NOC2L: variants seen among roughly 807,000 people sequenced by gnomAD.
The protein encoded by NOC2L is nucleolar complex protein 2 homolog.
NOC2L carries 101 observed loss-of-function variants against 94.2 expected under a neutral mutation model. That is an observed-to-expected ratio of 1.07 (90% CI 0.91 to 1.26). NOC2L has a LOEUF of 1.26. Ranked by LOEUF, NOC2L falls within the 50% of genes most tolerant of loss-of-function variation. The pLI is 0.00. For synonymous variants in NOC2L, 531 were observed against 413.4 expected, an observed-to-expected ratio of 1.28 and a Z score of -3.45; for missense variants, 1,076 against 980.1, an observed-to-expected ratio of 1.10 and a Z score of -1.31.
At position 956,556 on chromosome 1, in the gene NOC2L, C is replaced by T. The variant is rs989591881; in HGVS notation, c.486+338G>A. ...GAAGGACCCCAGCTCCACCAACCAA[C>T]AAAGGCACAGTCCGTCCCACCCACA... On this transcript the variant is annotated intron_variant, in intron 4 of 18. Transcript: ENST00000327044. Among the ~76,000 whole-genome samples the T allele has an allele frequency of 1.3e-4, 20 of 152,136 alleles. 1 individual carries two copies. Among genetic ancestry groups the T allele is most frequent in the Admixed American group, 1.3e-3 (20 of 15,272 alleles).
intron 14 of NOC2L, 35 bp from the exon 15 acceptor site, chr1:946,580 G>A: frequency 6.2e-7 from 1 of 1,600,906 alleles, no homozygotes; most frequent in Non-Finnish European, 8.5e-7. Context: ...TGAAGCCCAG[G>A]ACCGCTCCAT....
At chr1:946,347 G>A (rs997371638) in intron 15 of NOC2L, 55 bp downstream of exon 15, 3 of 1,612,044 alleles carry the variant, frequency 1.9e-6, no homozygotes, top group African/African-American at 2.7e-5. Context: ...ACATGTAGCT[G>A]GGGCTATACC....
chr1:950,133 TGCACACAGGTGCACACACGCACAG>T (rs1230380772), intron 12 of NOC2L, among the ~76,000 whole-genome samples: 1 of 152,056 alleles, frequency 6.6e-6, no homozygotes, highest in Non-Finnish European at 1.5e-5. Context: ...CGCACGTACA[TGCACACAGGTGCACACACGCACAG>T]GCACACACAA....
At chr1:952,824 G>C (rs1357539932) in intron 9 of NOC2L, among the ~76,000 whole-genome samples, 1 of 152,198 alleles carries the variant, frequency 6.6e-6, no homozygotes, top group African/African-American at 2.4e-5. Flanking sequence ...TGGGGGCTGA[G>C]GGTCCCCACA....
In NOC2L at chr1:945,590, T is replaced by C; in HGVS notation, c.1981A>G (p.Arg661Gly). 6 of 1,614,176 alleles carry C rather than the reference T, an allele frequency of 3.7e-6. 1 individual carries two copies. The South Asian group carries it at 4.4e-5, about 12-fold the overall frequency. Residue 661 changes from arginine to glycine, a missense_variant, in exon 17 of 19, where the codon AGG becomes GGG. This residue lies in a region of NOC2L where 615 missense variants were observed against 577.4 expected (regional missense o/e 1.07). Transcript: ENST00000327044. ...TCAAAGAGGTCTTTAAATTGCTTCC[T>C]GTCCTCATCCTTCCTGTCAGCCATC... ...RKMADRKDED[R>G]KQFKDLFDLN... is the part of the protein sequence containing the mutation.
chr1:955,340 A>G (rs1346465266), intron 6 of NOC2L, among the ~76,000 whole-genome samples: 1 of 151,978 alleles, frequency 6.6e-6, no homozygotes, highest in Non-Finnish European at 1.5e-5. Context: ...GGCAGTTCCA[A>G]CTCTAGGCCT....
In NOC2L at chr1:944,792, G is replaced by T; in HGVS notation, c.2152C>A (p.Pro718Thr). ...EDSSNSEDGD[P>T]DAEAGLAPGE... ...GGGGCCAGCCCCGCCTCTGCGTCTG[G>T]GTCTCCATCTGCGGGGAGAGATGGA... is the stretch of plus-strand genomic sequence containing the variant. The change falls in exon 19 of 19, where the codon CCA becomes ACA. Residue 718 changes from proline to threonine, a missense_variant. By Grantham distance (38) the Pro-to-Thr change is conservative (BLOSUM62 -1). This residue lies in a region of NOC2L where 615 missense variants were observed against 577.4 expected (regional missense o/e 1.07). Transcript: ENST00000327044. 1 of 1,586,020 alleles carries T rather than the reference G, an allele frequency of 6.3e-7. No homozygotes were observed.
Position 955,977 on chromosome 1 carries a change from A to C in NOC2L, c.644T>G (p.Leu215Arg). The C allele has an allele frequency of 6.2e-7, 1 of 1,613,564 alleles. No individual in the cohort carries two copies. The highest frequency in any genetic ancestry group is 1.3e-5 in the African/African-American group (1 of 74,894). Residue 215 changes from leucine (L) to arginine (R), a missense_variant, in exon 6 of 19, where the codon CTC (leucine) becomes CGC (arginine). Physicochemically the swap from Leu to Arg is moderately radical, Grantham distance 102. Coordinates refer to ENST00000327044, the MANE Select transcript of NOC2L (RefSeq NM_015658.4). ...CAGCAGCTTCTGGAGACAGCCAATG[A>C]GGTCTCTGATGCAGAAGGTAACCAG... ...NALVTFCIRDLIGCLQKLLFG... is the reference protein window; with the variant it reads ...NALVTFCIRDRIGCLQKLLFG...
At chr1:953,361 TC>T in intron 8 of NOC2L, 73 bp from the exon 9 acceptor site, 2 of 898,258 alleles carry the variant, frequency 2.2e-6, no homozygotes, top group Non-Finnish European at 3.6e-6. Context: ...AGCACAGCCC[TC>T]CCCAGCCAGG....
Position 944,280 on chromosome 1 carries a change from G to T in NOC2L, c.*414C>A. On this transcript the variant is annotated 3_prime_UTR_variant, in exon 19 of 19. Coordinates refer to ENST00000327044, the MANE Select transcript of NOC2L (RefSeq NM_015658.4). ...AAAACAAAAAATTTTAAAAGAAAAT[G>T]TGACTTCAAAGGAAAGGAACAAATT... The T allele has an allele frequency of 7.0e-7, 1 of 1,435,430 alleles. No homozygotes were observed. Among genetic ancestry groups the T allele is most frequent in the Non-Finnish European group, 9.1e-7 (1 of 1,096,892 alleles). The allele number at this position is 1,435,430 out of a possible 1,614,324, so 88.9% of individuals were successfully genotyped here.
intron 9 of NOC2L, among the ~76,000 whole-genome samples, 160 bp from the exon 10 acceptor site, chr1:952,760 C>T (rs1188320910): frequency 6.6e-6 from 1 of 152,210 alleles, no homozygotes; most frequent in Non-Finnish European, 1.5e-5. Flanking sequence ...TGCCCACCAG[C>T]CTCAGGCCTG....
chr1:954,323 G>T, intron 6 of NOC2L: 1 of 513,522 alleles, frequency 1.9e-6, no homozygotes, highest in South Asian at 3.1e-5. Context: ...CCCTGCCCAG[G>T]GTTGGCCACC....
intron 18 of NOC2L, 117 bp from the exon 19 acceptor site, chr1:944,917 C>T (rs1569930230): frequency 2.1e-6 from 3 of 1,429,160 alleles, no homozygotes; most frequent in South Asian, 2.5e-5. Context: ...TTGCTGGCTG[C>T]CAGAGAACAG....
rs763449605 is a variant in NOC2L, at chr1:945,090, C to G, written c.2110G>C (p.Glu704Gln). The change falls in exon 18 of 19, where the codon GAG (glutamate) becomes CAG (glutamine). Residue 704 changes from glutamate (E) to glutamine (Q), a missense_variant. Physicochemically the swap from Glu to Gln is conservative, Grantham distance 29. This residue lies in a region of NOC2L where 615 missense variants were observed against 577.4 expected (regional missense o/e 1.07). Coordinates refer to ENST00000327044, the MANE Select transcript of NOC2L (RefSeq NM_015658.4). ...TTGCTGCTGTCCTCCTCGCCCTCCT[C>G]CTCGTCCTCTTCATCGTCTTCCACC... The part of the protein sequence containing the change: ...HGVEDDEEDE[E>Q]EGEEDSSNSE... 8.1e-6 allele frequency: 13 copies of G among 1,611,978 alleles called. No individual in the cohort carries two copies. In the Admixed American group the frequency reaches 1.5e-4, roughly 19 times the overall value.
At chr1:959,108 G>A in intron 1 of NOC2L, 27 bp from the exon 2 acceptor site, 1 of 1,610,070 alleles carries the variant, frequency 6.2e-7, no homozygotes, top group Non-Finnish European at 8.5e-7. Context: ...AGTCACAGCT[G>A]CCCGCACGCC....
At chr1:956,547 A>C (rs1187116253) in intron 4 of NOC2L, among the ~76,000 whole-genome samples, 2 of 152,148 alleles carry the variant, frequency 1.3e-5, no homozygotes, top group East Asian at 1.9e-4. Flanking sequence ...CCCCAGCTCC[A>C]CCAACCAACA....
chr1:958,447 T>C (rs1408352566), intron 2 of NOC2L: 2 of 331,598 alleles, frequency 6.0e-6, no homozygotes, highest in Non-Finnish European at 1.2e-5. Context: ...ACATGATTTT[T>C]CCGTGTTGGT....
intron 4 of NOC2L, among the ~76,000 whole-genome samples, 180 bp from the exon 5 acceptor site, chr1:956,395 G>T (rs1333047594): frequency 2.6e-5 from 4 of 152,152 alleles, no homozygotes; most frequent in Non-Finnish European, 4.4e-5. Flanking sequence ...GAATTCTCTG[G>T]GAAGAGGAGG....
intron 18 of NOC2L, 111 bp downstream of exon 18, chr1:944,945 TC>T: frequency 6.4e-7 from 1 of 1,554,434 alleles, no homozygotes; most frequent in Non-Finnish European, 8.8e-7. Flanking sequence ...GGCCTGGCCT[TC>T]CCAGGGAGGG....
Sources: allele counts gnomAD v4.1 joint callset (sites outside exome capture counted in the v4.1 genomes callset), GRCh38; gene constraint gnomAD v4.1.1; regional missense constraint gnomAD v4.1.1; transcripts MANE v1.5; gene names NCBI Gene and HGNC (gene_info 2026-07-23, HGNC 2026-07-21).